Variants in LRMDA observed in about 807,000 individuals in gnomAD.
The protein encoded by LRMDA is leucine-rich melanocyte differentiation-associated protein.
In LRMDA, 18 loss-of-function variants were observed where a neutral mutation model predicts 29.8. The observed-to-expected ratio is 0.60, with a 90% CI of 0.42 to 0.90. The LOEUF (loss-of-function observed/expected upper bound fraction) is 0.90. LRMDA is among the 40% of genes least tolerant of loss of function. The pLI, the probability that LRMDA is intolerant of heterozygous loss-of-function variation, is 0.00. For synonymous variants in LRMDA, 125 were observed against 109.4 expected (o/e 1.14, Z -0.89); for missense variants, 273 against 273.9 (o/e 1.00, Z 0.02).
intron 2 of LRMDA, among the ~76,000 whole-genome samples, chr10:75,860,315 T>C (rs1011616262): frequency 1.6e-5 from 1 of 63,368 alleles, no homozygotes; most frequent in Non-Finnish European, 3.0e-5. Context: ...TTTCTGGTTT[T>C]TTTTTTTTTT....
At chr10:76,230,544 G>T (rs1362525709) in intron 5 of LRMDA, among the ~76,000 whole-genome samples, 1 of 138,544 alleles carries the variant, frequency 7.2e-6, no homozygotes. Context: ...ATTTTTCACT[G>T]TTAAGAGGGC....
At chr10:76,024,545 C>G (rs1483144108) in intron 2 of LRMDA, among the ~76,000 whole-genome samples, 3 of 152,218 alleles carry the variant, frequency 2.0e-5, no homozygotes, top group Non-Finnish European at 4.4e-5. Flanking sequence ...ATCTTGTAGT[C>G]TGGGACAGAA....
At chr10:75,906,176 G>C (rs1445771259) in intron 2 of LRMDA, among the ~76,000 whole-genome samples, 1 of 152,060 alleles carries the variant, frequency 6.6e-6, no homozygotes, top group Non-Finnish European at 1.5e-5. Context: ...GAGAATATAG[G>C]AATGAAATTG....
chr10:75,715,899 G>A (rs1235756898), intron 2 of LRMDA, among the ~76,000 whole-genome samples: 3 of 147,862 alleles, frequency 2.0e-5, no homozygotes, highest in African/African-American at 5.0e-5. Context: ...CTCCATATGA[G>A]TAGTTTAGAG....
chr10:75,727,438 T>A (rs1842644016), intron 2 of LRMDA, among the ~76,000 whole-genome samples: 1 of 152,200 alleles, frequency 6.6e-6, no homozygotes, highest in Admixed American at 6.5e-5. Context: ...GGGCATCATA[T>A]TAGAAATTCA....
chr10:75,525,588 CTTTCT>C (rs1324944921), intron 2 of LRMDA, among the ~76,000 whole-genome samples: 42 of 103,952 alleles, frequency 4.0e-4, no homozygotes, highest in African/African-American at 1.3e-3. Flanking sequence ...TTCTTTCTTT[CTTTCT>C]TTTTTTTTTT....
At chr10:76,073,784 C>T (rs1369116432) in intron 5 of LRMDA, among the ~76,000 whole-genome samples, 1 of 152,158 alleles carries the variant, frequency 6.6e-6, no homozygotes, top group East Asian at 1.9e-4. Flanking sequence ...TTTCCAAGAC[C>T]TTCTTTGGAA....
intron 6 of LRMDA, among the ~76,000 whole-genome samples, chr10:76,340,435 G>A (rs140230261): frequency 1.7e-4 from 24 of 144,486 alleles, no homozygotes; most frequent in African/African-American, 6.0e-4. Context: ...AGGCTCTCTG[G>A]AGCCCAGGAG....
At chr10:75,590,777 A>G (rs1840714125) in intron 2 of LRMDA, among the ~76,000 whole-genome samples, 1 of 85,686 alleles carries the variant, frequency 1.2e-5, no homozygotes, top group African/African-American at 4.7e-5. Flanking sequence ...TTGAGATGGA[A>G]TCTTGCTGTC....
intron 2 of LRMDA, among the ~76,000 whole-genome samples, chr10:76,020,070 C>T: frequency 6.6e-6 from 1 of 152,204 alleles, no homozygotes; most frequent in East Asian, 1.9e-4. Context: ...CCACTGACCC[C>T]TGAGTAGTGT....
At chr10:76,439,413 G>A (rs1842278069) in intron 6 of LRMDA, among the ~76,000 whole-genome samples, 1 of 152,134 alleles carries the variant, frequency 6.6e-6, no homozygotes, top group Non-Finnish European at 1.5e-5. Context: ...GTTGGGTTGA[G>A]GGTGCATGGT....
intron 5 of LRMDA, among the ~76,000 whole-genome samples, chr10:76,232,981 T>C (rs1852088107): frequency 6.6e-6 from 1 of 152,188 alleles, no homozygotes; most frequent in Admixed American, 6.5e-5. Context: ...AGGGTAGGTA[T>C]ATGTAAAATA....
intron 6 of LRMDA, among the ~76,000 whole-genome samples, chr10:76,555,777 A>G (rs1026013375): frequency 1.1e-4 from 16 of 151,910 alleles, no homozygotes; most frequent in African/African-American, 3.9e-4. Flanking sequence ...AAAAAAAAAA[A>G]AAAAAAAAAA....
chr10:75,674,311 C>A (rs373159490), intron 2 of LRMDA, among the ~76,000 whole-genome samples: 8 of 152,254 alleles, frequency 5.3e-5, no homozygotes, highest in African/African-American at 1.9e-4. Flanking sequence ...CGCACAACAC[C>A]TTTCTGTTCC....
chr10:75,716,292 T>C (rs1842498516), intron 2 of LRMDA, among the ~76,000 whole-genome samples: 1 of 152,214 alleles, frequency 6.6e-6, no homozygotes, highest in South Asian at 2.1e-4. Flanking sequence ...GAATTGAGGG[T>C]GGCACTTAGG....
At chr10:76,404,806 T>C (rs1444678476) in intron 6 of LRMDA, among the ~76,000 whole-genome samples, 3 of 152,196 alleles carry the variant, frequency 2.0e-5, no homozygotes, top group Non-Finnish European at 4.4e-5. Context: ...ATGGAGAGAT[T>C]ATCCTGGACC....
intron 2 of LRMDA, among the ~76,000 whole-genome samples, chr10:75,511,495 TG>T (rs1202441763): frequency 6.6e-6 from 1 of 152,180 alleles, no homozygotes; most frequent in African/African-American, 2.4e-5. Flanking sequence ...CTGCTCTTAC[TG>T]GGAGTGCACC....
chr10:75,596,955 CTTTT>C (rs767284909), intron 2 of LRMDA, among the ~76,000 whole-genome samples: 1 of 144,084 alleles, frequency 6.9e-6, no homozygotes, highest in Admixed American at 6.9e-5. Flanking sequence ...TTCTTTCTTT[CTTTT>C]TTTTTTTTTT....
intron 2 of LRMDA, among the ~76,000 whole-genome samples, chr10:75,708,703 C>A (rs2132175399): frequency 6.6e-6 from 1 of 152,218 alleles, no homozygotes; most frequent in South Asian, 2.1e-4. Context: ...GATGATCAGT[C>A]ACCCAGGGCC....
Sources: gnomAD v4.1 joint callset for allele counts (sites outside exome capture counted in the v4.1 genomes callset) on GRCh38, gnomAD v4.1.1 for gene constraint, MANE v1.5 for transcripts, NCBI Gene and HGNC (gene_info 2026-07-23, HGNC 2026-07-21) for gene names.